SLC26A9: variants seen among roughly 807,000 people sequenced by gnomAD.
The protein encoded by SLC26A9 is anion transporter/exchanger protein 9.
Under a neutral mutation model 87.1 loss-of-function variants are expected in SLC26A9, and 46 were observed. The ratio of observed to expected loss-of-function variants is 0.53; its 90% confidence interval spans 0.42 to 0.67. The LOEUF is 0.67. Among genes scored for constraint, SLC26A9 ranks in the 30% least tolerant of loss-of-function variants. SLC26A9 has a pLI of 0.00. For missense variants in SLC26A9, 927 were observed against 1,018.3 expected (o/e 0.91, Z 1.22); for synonymous variants, 437 against 409.1 (o/e 1.07, Z -0.82).
chr1:205,941,293 C>T (rs1024651035), intron 1 of SLC26A9, among the ~76,000 whole-genome samples: 1 of 152,068 alleles, frequency 6.6e-6, no homozygotes, highest in Non-Finnish European at 1.5e-5. Flanking sequence ...CTCAGCCTCC[C>T]TAGGAGCTGG....
intron 20 of SLC26A9, among the ~76,000 whole-genome samples, chr1:205,916,943 A>T (rs1658617306): frequency 6.6e-6 from 1 of 152,002 alleles, no homozygotes; most frequent in African/African-American, 2.4e-5. Flanking sequence ...TCTACTAAAA[A>T]TACAAAAATT....
intron 16 of SLC26A9, 25 bp downstream of exon 16, chr1:205,923,057 G>C: frequency 5.6e-6 from 9 of 1,606,748 alleles, no homozygotes; most frequent in Non-Finnish European, 6.0e-6. Flanking sequence ...AGCAGGGCAC[G>C]GGGCTGCTTC....
Position 205,927,609 on chromosome 1 carries a change from C to A in SLC26A9, c.1102-4G>T. On this transcript the variant is annotated splice_polypyrimidine_tract_variant and splice_region_variant and intron_variant, in intron 9 of 20. Coordinates refer to ENST00000367135, the MANE Select transcript of SLC26A9 (RefSeq NM_052934.4). ...TGCAGCCGAGAGCGATCATCTCCTG[C>A]AGGGAGGGGACAGGATTAGAAGCCA... 3 of 1,611,820 alleles carry A rather than the reference C, an allele frequency of 1.9e-6. No homozygotes were observed. Among genetic ancestry groups the A allele is most frequent in the Non-Finnish European group, 2.5e-6 (3 of 1,178,738 alleles).
At chr1:205,926,937 G>A (rs1209369350) in intron 11 of SLC26A9, among the ~76,000 whole-genome samples, 3 of 152,206 alleles carry the variant, frequency 2.0e-5, no homozygotes, top group African/African-American at 7.2e-5. Flanking sequence ...ATGTTGCCTA[G>A]GGATTAGACT....
chr1:205,940,412 G>T (rs1371293646), intron 1 of SLC26A9, among the ~76,000 whole-genome samples: 1 of 136,434 alleles, frequency 7.3e-6, no homozygotes, highest in Non-Finnish European at 1.6e-5. Flanking sequence ...GCAGAGATGG[G>T]CTTGGGCAGA....
rs1659147973 is a variant in SLC26A9, at chr1:205,927,928, G to A, written c.1075C>T (p.His359Tyr). The change falls in exon 9 of 21, where the codon CAC becomes TAC. Residue 359 changes from histidine (H) to tyrosine (Y), a missense_variant. By Grantham distance (83) the His-to-Tyr change is moderately conservative (BLOSUM62 2). Coordinates refer to ENST00000367135, the MANE Select transcript of SLC26A9 (RefSeq NM_052934.4). ...TGGTTCGAATCCACGTCGTAGCCGT[G>A]CTTGTTGGCCAGGGTCCGGCCCATA... Reference protein sequence around the residue: ...LAMGRTLANKHGYDVDSNQEM... With the variant: ...LAMGRTLANKYGYDVDSNQEM... 6.2e-7 allele frequency: 1 copy of A among 1,614,180 alleles called. No homozygotes were observed. The highest frequency in any genetic ancestry group is 1.7e-5 in the Admixed American group (1 of 60,020).
intron 2 of SLC26A9, 66 bp from the exon 3 acceptor site, chr1:205,933,150 G>A (rs1470473971): frequency 2.5e-6 from 4 of 1,595,250 alleles, no homozygotes; most frequent in Non-Finnish European, 3.4e-6. Context: ...GTTGGAGAGG[G>A]ATTATCATAT....
intron 8 of SLC26A9, 105 bp from the exon 9 acceptor site, chr1:205,928,154 G>C: frequency 3.6e-6 from 5 of 1,376,830 alleles, no homozygotes; most frequent in Non-Finnish European, 4.9e-6. Flanking sequence ...ATGGTGTGCC[G>C]GGATCTTTGC....
intron 7 of SLC26A9, 34 bp from the exon 8 acceptor site, chr1:205,928,943 C>T (rs763073384): frequency 1.2e-6 from 2 of 1,612,270 alleles, no homozygotes; most frequent in African/African-American, 1.3e-5. Flanking sequence ...GGGGATTGGC[C>T]CTAAGGTGGG....
chr1:205,927,950 C>A lies in SLC26A9; in HGVS notation c.1053G>T (p.Met351Ile). ...AIVSYVINLA[M>I]GRTLANKHGY... is the part of the protein sequence containing the mutation. ...CGTGCTTGTTGGCCAGGGTCCGGCC[C>A]ATAGCCAGGTTGATGACGTAGCTCA... Residue 351 changes from methionine (M) to isoleucine (I), a missense_variant, in exon 9 of 21, where the codon ATG (methionine) becomes ATT (isoleucine). By Grantham distance (10) the Met-to-Ile change is conservative. Coordinates refer to ENST00000367135, the MANE Select transcript of SLC26A9 (RefSeq NM_052934.4). The A allele has an allele frequency of 1.9e-6, 3 of 1,614,192 alleles. No individual in the cohort carries two copies. In the East Asian group the frequency reaches 6.7e-5, roughly 36 times the overall value.
In SLC26A9 at chr1:205,929,322, G is replaced by A. The variant is rs1178013866; in HGVS notation, c.752C>T (p.Thr251Ile). The A allele has an allele frequency of 1.9e-6, 3 of 1,614,090 alleles. No homozygotes were observed. The highest frequency in any genetic ancestry group is 1.7e-5 in the Admixed American group (1 of 60,010). ...AGCGAAGATGAGCGAGGCGATGTTG[G>A]TGTGGGGGAGGTTTTTGCAAATGTC... Reference protein sequence around the residue: ...FIDICKNLPHTNIASLIFALI... With the variant: ...FIDICKNLPHINIASLIFALI... Residue 251 changes from threonine (T) to isoleucine (I), a missense_variant, in exon 7 of 21, where the codon ACC becomes ATC. By Grantham distance (89) the Thr-to-Ile change is moderately conservative. Coordinates refer to ENST00000367135, the MANE Select transcript of SLC26A9 (RefSeq NM_052934.4).
At chr1:205,918,437 A>G (rs573039882) in intron 19 of SLC26A9, among the ~76,000 whole-genome samples, 63 of 151,692 alleles carry the variant, frequency 4.2e-4, no homozygotes, top group African/African-American at 1.5e-3. Flanking sequence ...GGGTAGGCTT[A>G]CTCCCCTCCC....
chr1:205,918,998 A>G lies in SLC26A9; in HGVS notation c.2111-13T>C. ...TTGTACACCTGGGCTAGAAGGAGAA[A>G]AGATCACCTTCAGAAAGATAACAGC... On this transcript the variant is annotated splice_polypyrimidine_tract_variant and intron_variant, in intron 18 of 20. Transcript: ENST00000367135. 6.2e-7 allele frequency: 1 copy of G among 1,613,654 alleles called. No homozygotes were observed. The highest frequency in any genetic ancestry group is 1.7e-5 in the Admixed American group (1 of 60,028).
chr1:205,916,054 G>A (rs979961887), intron 20 of SLC26A9, among the ~76,000 whole-genome samples: 3 of 152,048 alleles, frequency 2.0e-5, no homozygotes, highest in African/African-American at 4.8e-5. Context: ...TAATCCAGGG[G>A]CCCTATGGGG....
At chr1:205,923,287 C>T (rs3811426) in intron 15 of SLC26A9, 48 bp downstream of exon 15, 177,987 of 1,611,390 alleles carry the variant, frequency 0.11, 16,561 homozygotes, top group East Asian at 0.57. Flanking sequence ...TTCCATTTTC[C>T]GGCCACTCTC....
At position 205,921,550 on chromosome 1, in the gene SLC26A9, T is replaced by G; in HGVS notation, c.2055+16A>C. The G allele has an allele frequency of 6.3e-7, 1 of 1,599,818 alleles. No homozygotes were observed. The highest frequency in any genetic ancestry group is 8.5e-7 in the Non-Finnish European group (1 of 1,177,046). ...GGGGTGGAGTGGGTGGTGCTTGCTGTTCCCGAGGGCCTCACCTTGGCCAGG... is the reference window on the plus strand; with the variant it reads ...GGGGTGGAGTGGGTGGTGCTTGCTGGTCCCGAGGGCCTCACCTTGGCCAGG... On this transcript the variant is annotated intron_variant, in intron 17 of 20. Coordinates refer to ENST00000367135, the MANE Select transcript of SLC26A9 (RefSeq NM_052934.4).
chr1:205,920,952 G>A (rs1658800891), intron 17 of SLC26A9, among the ~76,000 whole-genome samples: 1 of 152,248 alleles, frequency 6.6e-6, no homozygotes, highest in Non-Finnish European at 1.5e-5. Flanking sequence ...GCCCAAGGCT[G>A]GGTATGGGGC....
intron 19 of SLC26A9, among the ~76,000 whole-genome samples, chr1:205,918,499 G>A (rs1052816561): frequency 1.1e-4 from 16 of 152,172 alleles, no homozygotes; most frequent in African/African-American, 2.9e-4. Flanking sequence ...GGCAGGGAAC[G>A]ATGCCAGCAG....
Position 205,935,767 on chromosome 1 carries a change from G to A in SLC26A9, c.54C>T (p.Thr18=). Reference sequence around the variant, plus strand: ...TCTTCTCAAACTCATCGTCGAAGAGGGTAAGGGAGTATGCGGCTCTGTCTA... The same window carrying A: ...TCTTCTCAAACTCATCGTCGAAGAGAGTAAGGGAGTATGCGGCTCTGTCTA... The part of the protein sequence containing the change: ...YVVDRAAYSL[T]LFDDEFEKKD... Residue 18 remains threonine (T), a synonymous_variant, in exon 2 of 21, where the codon ACC becomes ACT. Transcript: ENST00000367135. 2 of 1,614,052 alleles carry A rather than the reference G, an allele frequency of 1.2e-6. No individual in the cohort carries two copies. Among genetic ancestry groups the A allele is most frequent in the African/African-American group, 1.3e-5 (1 of 75,006 alleles).
Sources: allele counts gnomAD v4.1 joint callset (sites outside exome capture counted in the v4.1 genomes callset), GRCh38; gene constraint gnomAD v4.1.1; transcripts MANE v1.5; gene names NCBI Gene and HGNC (gene_info 2026-07-23, HGNC 2026-07-21).